Variants in ASTN2 observed in about 807,000 individuals in gnomAD.
ASTN2 encodes the protein astrotactin-2.
ASTN2 carries 54 observed loss-of-function variants against 139.8 expected under a neutral mutation model. The observed-to-expected ratio is 0.39, with a 90% CI of 0.31 to 0.48. The LOEUF (loss-of-function observed/expected upper bound fraction) is 0.48. ASTN2 is among the 20% of genes least tolerant of loss of function. ASTN2 has a pLI of 0.95. For missense variants in ASTN2, 1,565 were observed against 1,725.1 expected (o/e 0.91, Z 1.64); for synonymous variants, 756 against 719.5 (o/e 1.05, Z -0.81).
chr9:116,863,756 A>G, intron 10 of ASTN2, 23 bp from the exon 11 acceptor site: 1 of 1,599,686 alleles, frequency 6.3e-7, no homozygotes, highest in East Asian at 2.2e-5. Context: ...GGGGATGGTT[A>G]AACCCCAGAG....
chr9:116,535,874 CTGTATT>C (rs1851601138), intron 19 of ASTN2, among the ~76,000 whole-genome samples: 1 of 152,114 alleles, frequency 6.6e-6, no homozygotes, highest in Non-Finnish European at 1.5e-5. Context: ...GTGGCTTTCT[CTGTATT>C]TCCTGAATTT....
intron 16 of ASTN2, among the ~76,000 whole-genome samples, chr9:116,655,325 G>A (rs781299651): frequency 1.3e-5 from 2 of 152,092 alleles, no homozygotes; most frequent in African/African-American, 2.4e-5. Flanking sequence ...TCATCTATTC[G>A]AAAGGCAAAC....
chr9:116,616,506 G>C (rs1203134577), intron 19 of ASTN2, among the ~76,000 whole-genome samples: 1 of 152,186 alleles, frequency 6.6e-6, no homozygotes, highest in East Asian at 1.9e-4. Context: ...GCCTGGCTCT[G>C]TCATACGTGT....
intron 1 of ASTN2, among the ~76,000 whole-genome samples, chr9:117,403,919 G>A (rs1197149902): frequency 6.6e-6 from 1 of 152,142 alleles, no homozygotes; most frequent in Middle Eastern, 3.2e-3. Context: ...CCTTGCTGGG[G>A]AGGAGGGGAG....
At chr9:116,890,149 T>C (rs1234088159) in intron 10 of ASTN2, among the ~76,000 whole-genome samples, 1 of 152,216 alleles carries the variant, frequency 6.6e-6, no homozygotes, top group Non-Finnish European at 1.5e-5. Context: ...AGAAATGTGC[T>C]GACAGTCAGC....
intron 16 of ASTN2, among the ~76,000 whole-genome samples, chr9:116,684,848 A>T (rs1250814535): frequency 6.6e-6 from 1 of 152,210 alleles, no homozygotes; most frequent in African/African-American, 2.4e-5. Context: ...GAGACAGTAA[A>T]AGAGATCTAA....
intron 10 of ASTN2, among the ~76,000 whole-genome samples, chr9:116,956,430 T>C (rs1454154176): frequency 6.8e-6 from 1 of 147,956 alleles, no homozygotes; most frequent in Non-Finnish European, 1.5e-5. Context: ...CAGGCCTTTT[T>C]TCATATATAT....
intron 11 of ASTN2, among the ~76,000 whole-genome samples, chr9:116,843,396 G>A (rs1252882720): frequency 1.3e-5 from 2 of 152,124 alleles, no homozygotes; most frequent in Admixed American, 6.5e-5. Context: ...GGTGGCTCAT[G>A]CCTGTAATCC....
At chr9:116,597,382 G>A (rs574285429) in intron 19 of ASTN2, among the ~76,000 whole-genome samples, 3 of 138,726 alleles carry the variant, frequency 2.2e-5, no homozygotes, top group South Asian at 2.4e-4. Context: ...ATCTTGGCTC[G>A]CTTCAATCTC....
intron 13 of ASTN2, among the ~76,000 whole-genome samples, chr9:116,737,841 G>A (rs1005574014): frequency 2.0e-5 from 3 of 152,172 alleles, no homozygotes; most frequent in Non-Finnish European, 4.4e-5. Context: ...AAAGGCATAA[G>A]AGTGATATAA....
At chr9:116,470,932 A>G (rs979585108) in intron 20 of ASTN2, among the ~76,000 whole-genome samples, 7 of 152,214 alleles carry the variant, frequency 4.6e-5, no homozygotes, top group African/African-American at 1.4e-4. Context: ...GATTCCTGGA[A>G]GAAAGTTATA....
At chr9:116,467,272 T>C (rs1020865434) in intron 20 of ASTN2, among the ~76,000 whole-genome samples, 1 of 142,054 alleles carries the variant, frequency 7.0e-6, no homozygotes, top group African/African-American at 2.6e-5. Context: ...GAGAGTCCTT[T>C]TTTTTCTTCT....
At position 116,907,735 on chromosome 9, in the gene ASTN2, G is replaced by T. The variant is rs1437477389; in HGVS notation, c.1890-44002C>A. Among the ~76,000 whole-genome samples, 5 of 152,192 alleles carry T rather than the reference G, an allele frequency of 3.3e-5. 1 individual carries two copies. The highest frequency in any genetic ancestry group is 1.2e-4 in the African/African-American group (5 of 41,452). On this transcript the variant is annotated intron_variant, in intron 10 of 22. Transcript: ENST00000313400. The stretch of plus-strand genomic sequence containing the variant: ...TTGAGCTAGAAAACAAAATGTGGTG[G>T]AGGTGGTGAAGGATGGGCGGAAATG...
chr9:117,217,722 T>A (rs763021418), intron 2 of ASTN2, among the ~76,000 whole-genome samples: 5 of 152,200 alleles, frequency 3.3e-5, no homozygotes, highest in Non-Finnish European at 5.9e-5. Context: ...TAATATAGGG[T>A]AGGGGCACAT....
chr9:117,027,126 A>C lies in ASTN2; in HGVS notation c.1423+12693T>G, dbSNP rs141814003. On this transcript the variant is annotated intron_variant, in intron 6 of 22. Coordinates refer to ENST00000313400, the MANE Select transcript of ASTN2 (RefSeq NM_001365068.1). ...TGAAAGGACGGTGATGGCAATTCCA[A>C]TAAAAATGAACATTACCAAGTACTT... Among the ~76,000 whole-genome samples, 442 of 152,320 alleles carry C rather than the reference A, an allele frequency of 2.9e-3. 2 individuals carry two copies. The highest frequency in any genetic ancestry group is 0.01 in the African/African-American group (429 of 41,584).
At chr9:116,466,183 G>A (rs995048780) in intron 20 of ASTN2, among the ~76,000 whole-genome samples, 1 of 152,164 alleles carries the variant, frequency 6.6e-6, no homozygotes, top group Non-Finnish European at 1.5e-5. Context: ...GATAGAGCTG[G>A]TACTTAATCA....
intron 1 of ASTN2, among the ~76,000 whole-genome samples, chr9:117,310,565 A>G (rs192463216): frequency 4.6e-5 from 7 of 152,296 alleles, no homozygotes; most frequent in African/African-American, 1.4e-4. Flanking sequence ...AGCCAAGGAC[A>G]GATGGGAGGT....
At chr9:117,054,594 G>A (rs1284339010) in intron 5 of ASTN2, among the ~76,000 whole-genome samples, 1 of 152,210 alleles carries the variant, frequency 6.6e-6, no homozygotes, top group Non-Finnish European at 1.5e-5. Context: ...AGCTTGTAAT[G>A]TGTGTAAGAG....
chr9:117,137,942 G>A (rs967189338), intron 4 of ASTN2, among the ~76,000 whole-genome samples: 6 of 152,170 alleles, frequency 3.9e-5, no homozygotes, highest in African/African-American at 1.4e-4. Flanking sequence ...TGAGTCTAAG[G>A]GGGAAATAGA....
Sources: allele counts gnomAD v4.1 joint callset (sites outside exome capture counted in the v4.1 genomes callset), GRCh38; gene constraint gnomAD v4.1.1; transcripts MANE v1.5; gene names NCBI Gene and HGNC (gene_info 2026-07-23, HGNC 2026-07-21).